The following SMOC2 variants were observed in gnomAD, a reference collection of about 807,000 sequenced individuals.
SMOC2 encodes SPARC-related modular calcium-binding protein 2.
SMOC2 carries 39 observed loss-of-function variants against 61.4 expected under a neutral mutation model. The ratio of observed to expected loss-of-function variants is 0.64; its 90% CI spans 0.49 to 0.83. SMOC2 has a LOEUF of 0.83. Ranked by LOEUF, SMOC2 falls within the 40% of genes least tolerant of loss-of-function variation. The pLI, the probability that SMOC2 is intolerant of heterozygous loss-of-function variation, is 0.00. For synonymous variants in SMOC2, 247 were observed against 239.9 expected, an observed-to-expected ratio of 1.03 and a Z score of -0.27; for missense variants, 556 against 592.9, an observed-to-expected ratio of 0.94 and a Z score of 0.65.
At chr6:168,591,967 C>T (rs1425855049) in intron 7 of SMOC2, among the ~76,000 whole-genome samples, 10 of 152,152 alleles carry the variant, frequency 6.6e-5, no homozygotes, top group African/African-American at 1.4e-4. Context: ...TTTTTGGAAG[C>T]GTAGCCTACT....
At chr6:168,589,826 TG>T in intron 7 of SMOC2, among the ~76,000 whole-genome samples, 1 of 35,642 alleles carries the variant, frequency 2.8e-5, no homozygotes, top group Non-Finnish European at 6.2e-5. Flanking sequence ...GGTCTGGTGG[TG>T]GTCAGGTGTG....
intron 7 of SMOC2, among the ~76,000 whole-genome samples, chr6:168,587,431 TCATGTGTGAGA>T (rs1236027250): frequency 1.3e-5 from 2 of 152,224 alleles, no homozygotes; most frequent in Non-Finnish European, 2.9e-5. Flanking sequence ...CAGCTTGGTT[TCATGTGTGAGA>T]CATCAATCAG....
In SMOC2 at chr6:168,599,512, A is replaced by T. The variant is rs1409770532; in HGVS notation, c.824+508A>T. 8.9e-5 allele frequency among the ~76,000 whole-genome samples: 9 copies of T among 101,364 alleles called. No homozygotes were observed. The Admixed American group carries it at 9.9e-4, about 11-fold the overall frequency. 66.5% of individuals were successfully genotyped at this position (101,364 alleles called of 152,430 possible). Reference sequence around the variant, plus strand: ...ACCCCACACACCCACTGACACTCACACACACACTCATACCCCCACACACCC... The same window carrying T: ...ACCCCACACACCCACTGACACTCACTCACACACTCATACCCCCACACACCC... On this transcript the variant is annotated intron_variant, in intron 8 of 12. Coordinates refer to ENST00000356284, the MANE Select transcript of SMOC2 (RefSeq NM_001166412.2).
intron 1 of SMOC2, among the ~76,000 whole-genome samples, chr6:168,495,878 C>T (rs994847455): frequency 2.6e-5 from 4 of 152,240 alleles, no homozygotes; most frequent in Non-Finnish European, 4.4e-5. Context: ...CCCGCCCTGC[C>T]CTCCTTGGCC....
intron 7 of SMOC2, among the ~76,000 whole-genome samples, chr6:168,555,516 C>A (rs1188218928): frequency 6.6e-6 from 1 of 152,188 alleles, no homozygotes; most frequent in Non-Finnish European, 1.5e-5. Context: ...CCAGCGAGCT[C>A]CTTCTCCCTC....
chr6:168,507,333 C>T (rs6901357), intron 1 of SMOC2, among the ~76,000 whole-genome samples: 15,768 of 152,126 alleles, frequency 0.1, 1,343 homozygotes, highest in African/African-American at 0.23. Context: ...CTGTTTGAAA[C>T]GAAGGCACCT....
At chr6:168,579,359 A>G (rs1212163885) in intron 7 of SMOC2, among the ~76,000 whole-genome samples, 1 of 152,224 alleles carries the variant, frequency 6.6e-6, no homozygotes, top group Admixed American at 6.5e-5. Context: ...AGTCTATTTT[A>G]AAGTGGGATT....
At chr6:168,464,461 C>T (rs1272112532) in intron 1 of SMOC2, among the ~76,000 whole-genome samples, 2 of 152,094 alleles carry the variant, frequency 1.3e-5, no homozygotes, top group African/African-American at 4.8e-5. Flanking sequence ...GTATTATTTC[C>T]ACTGTGAAAG....
chr6:168,459,241 CA>C (rs1008215803), intron 1 of SMOC2, among the ~76,000 whole-genome samples: 33 of 152,330 alleles, frequency 2.2e-4, no homozygotes, highest in African/African-American at 7.5e-4. Context: ...ACCCGAGGCT[CA>C]AAGCCGGGGC....
chr6:168,626,087 A>G (rs1043553384), intron 9 of SMOC2, among the ~76,000 whole-genome samples: 9 of 152,234 alleles, frequency 5.9e-5, no homozygotes, highest in African/African-American at 2.2e-4. Context: ...TTATTCAAGT[A>G]GCCCCCACGT....
intron 9 of SMOC2, among the ~76,000 whole-genome samples, chr6:168,635,656 A>T (rs1786697195): frequency 6.6e-6 from 1 of 152,128 alleles, no homozygotes; most frequent in Non-Finnish European, 1.5e-5. Flanking sequence ...AGATCACTTG[A>T]GGCCAAGAGT....
At chr6:168,472,781 ATTT>A (rs1410924610) in intron 1 of SMOC2, among the ~76,000 whole-genome samples, 1 of 152,030 alleles carries the variant, frequency 6.6e-6, no homozygotes, top group Non-Finnish European at 1.5e-5. Context: ...TTTAGAATCA[ATTT>A]TTTTCTTTTC....
chr6:168,502,700 GTC>G (rs1333988284), intron 1 of SMOC2, among the ~76,000 whole-genome samples: 1 of 152,024 alleles, frequency 6.6e-6, no homozygotes, highest in Non-Finnish European at 1.5e-5. Flanking sequence ...GACGACCAGT[GTC>G]TCTGATTCAT....
At chr6:168,555,111 C>T (rs984246304) in intron 7 of SMOC2, among the ~76,000 whole-genome samples, 1 of 152,250 alleles carries the variant, frequency 6.6e-6, no homozygotes, top group Admixed American at 6.5e-5. Context: ...CAGGGCTTCC[C>T]TGGGGCCAGC....
chr6:168,642,431 T>C (rs1405605825), intron 9 of SMOC2, among the ~76,000 whole-genome samples: 1 of 152,312 alleles, frequency 6.6e-6, no homozygotes, highest in South Asian at 2.1e-4. Flanking sequence ...ACAGAAACCT[T>C]TAGGCTGAAC....
At chr6:168,526,209 G>C in intron 2 of SMOC2, 137 bp from the exon 3 acceptor site, 1 of 695,624 alleles carries the variant, frequency 1.4e-6, no homozygotes, top group Non-Finnish European at 2.5e-6. Context: ...GAGCTGAGCT[G>C]CCTGTGAAGC....
Position 168,629,022 on chromosome 6 carries a change from TCA to T in SMOC2, c.907+20785_907+20786del, listed in dbSNP as rs1491300800. 2.0e-5 allele frequency among the ~76,000 whole-genome samples: 3 copies of T among 152,240 alleles called. No individual in the cohort carries two copies. In the East Asian group the frequency reaches 5.8e-4, roughly 29 times the overall value. The stretch of plus-strand genomic sequence containing the variant: ...TGGCTGGCAGGCAGGCGAGGGGGAC[TCA>T]CGGCCTCTTTTCAGCTCTCTCTTCT... On this transcript the variant is annotated intron_variant, in intron 9 of 12. Transcript: ENST00000356284.
chr6:168,580,106 C>T (rs1784889685), intron 7 of SMOC2, among the ~76,000 whole-genome samples: 1 of 152,138 alleles, frequency 6.6e-6, no homozygotes, highest in African/African-American at 2.4e-5. Context: ...AGTTTTCCCT[C>T]CTCCACCAGG....
At chr6:168,479,347 C>T (rs541210075) in intron 1 of SMOC2, among the ~76,000 whole-genome samples, 10 of 152,220 alleles carry the variant, frequency 6.6e-5, no homozygotes, top group African/African-American at 2.2e-4. Flanking sequence ...ATGTATAAGC[C>T]ATATTTATAA....
Sources: gnomAD v4.1 joint callset for allele counts (sites outside exome capture counted in the v4.1 genomes callset) on GRCh38, gnomAD v4.1.1 for gene constraint, MANE v1.5 for transcripts, NCBI Gene and HGNC (gene_info 2026-07-23, HGNC 2026-07-21) for gene names.